The following BCKDHB variants were observed in gnomAD, a reference collection of about 807,000 sequenced individuals.
BCKDHB encodes the protein branched chain keto acid dehydrogenase E1 subunit beta, also known as 2-oxoisovalerate dehydrogenase subunit beta, mitochondrial.
In BCKDHB, 41 loss-of-function variants were observed where a neutral mutation model predicts 48.5. That is an observed-to-expected ratio of 0.85 (90% CI 0.66 to 1.10). The LOEUF (loss-of-function observed/expected upper bound fraction) is 1.10, where lower values mean the gene tolerates loss of function less well. Among genes scored for constraint, BCKDHB ranks in the 50% least tolerant of loss-of-function variants. The pLI, the probability that BCKDHB is intolerant of heterozygous loss-of-function variation, is 0.00. For missense variants in BCKDHB, 496 were observed against 494.2 expected (o/e 1.00, Z -0.03); for synonymous variants, 201 against 174.8 (o/e 1.15, Z -1.18).
At chr6:80,425,274 C>T in the BCKDHB span, among the ~76,000 whole-genome samples, 33 of 152,260 alleles carry the variant, frequency 2.2e-4, no homozygotes, top group Non-Finnish European at 4.1e-4. Context: ...TTAGGCCACA[C>T]TGGAATTCAA....
intron 9 of BCKDHB, among the ~76,000 whole-genome samples, chr6:80,317,388 A>C (rs563793910): frequency 3.9e-5 from 6 of 152,160 alleles, no homozygotes; most frequent in African/African-American, 1.2e-4. Context: ...CTAGGGGACT[A>C]TCTGTTTCCT....
chr6:80,262,732 C>G (rs1777356938), intron 8 of BCKDHB, among the ~76,000 whole-genome samples: 1 of 152,058 alleles, frequency 6.6e-6, no homozygotes, highest in Non-Finnish European at 1.5e-5. Flanking sequence ...TTTATAATAA[C>G]TATTTTATTC....
chr6:80,265,834 T>C (rs895769575), intron 8 of BCKDHB, among the ~76,000 whole-genome samples: 6 of 152,144 alleles, frequency 3.9e-5, no homozygotes, highest in African/African-American at 1.4e-4. Context: ...TAATAAATGA[T>C]AAATATAGTG....
the BCKDHB span, among the ~76,000 whole-genome samples, chr6:80,369,892 G>A: frequency 6.6e-6 from 1 of 151,112 alleles, no homozygotes; most frequent in African/African-American, 2.4e-5. Flanking sequence ...TTTTAAATGA[G>A]ATTTGCTTCT....
At chr6:80,404,153 C>G in the BCKDHB span, among the ~76,000 whole-genome samples, 1 of 151,902 alleles carries the variant, frequency 6.6e-6, no homozygotes, top group Non-Finnish European at 1.5e-5. Flanking sequence ...AGCATTGACA[C>G]TAAGTCTTTA....
chr6:80,436,266 C>T, the BCKDHB span, among the ~76,000 whole-genome samples: 2 of 140,428 alleles, frequency 1.4e-5, no homozygotes, highest in African/African-American at 5.2e-5. Context: ...TCACGCCATT[C>T]TCCCGTCTCA....
chr6:80,286,705 C>T (rs1048287079), intron 9 of BCKDHB, among the ~76,000 whole-genome samples: 1 of 152,060 alleles, frequency 6.6e-6, no homozygotes, highest in East Asian at 1.9e-4. Flanking sequence ...TTTTGCCTTT[C>T]AACTATGAAA....
intron 8 of BCKDHB, among the ~76,000 whole-genome samples, chr6:80,214,871 G>A (rs1775098076): frequency 6.6e-6 from 1 of 152,104 alleles, no homozygotes; most frequent in South Asian, 2.1e-4. Context: ...AGTTAAAAAT[G>A]TAATCAAAGA....
intron 1 of BCKDHB, among the ~76,000 whole-genome samples, chr6:80,122,474 A>G (rs1210261735): frequency 6.6e-6 from 1 of 152,162 alleles, no homozygotes; most frequent in Admixed American, 6.5e-5. Context: ...TGTTTTCCAT[A>G]AGTGTCATCT....
chr6:80,240,708 T>C (rs1163623396), intron 8 of BCKDHB, among the ~76,000 whole-genome samples: 2 of 152,184 alleles, frequency 1.3e-5, no homozygotes, highest in Non-Finnish European at 2.9e-5. Context: ...CTGTGTTGAA[T>C]AGGAGTGGTG....
intron 3 of BCKDHB, among the ~76,000 whole-genome samples, chr6:80,156,748 C>CT (rs1772060952): frequency 6.6e-6 from 1 of 152,146 alleles, no homozygotes; most frequent in South Asian, 2.1e-4. Flanking sequence ...AATAGGTATT[C>CT]TTTTCATTAG....
chr6:80,459,916 G>A, the BCKDHB span, among the ~76,000 whole-genome samples: 3 of 151,994 alleles, frequency 2.0e-5, no homozygotes, highest in Non-Finnish European at 4.4e-5. Context: ...CATTTCCAAA[G>A]CCATCCCAAA....
At chr6:80,330,054 A>C (rs1347024234) in intron 9 of BCKDHB, among the ~76,000 whole-genome samples, 1 of 152,068 alleles carries the variant, frequency 6.6e-6, no homozygotes, top group Non-Finnish European at 1.5e-5. Context: ...TGAAGATAGC[A>C]GGGTGTAGGA....
At chr6:80,237,114 G>C (rs1776177821) in intron 8 of BCKDHB, among the ~76,000 whole-genome samples, 2 of 152,198 alleles carry the variant, frequency 1.3e-5, no homozygotes, top group African/African-American at 4.8e-5. Flanking sequence ...GAAATTGAGA[G>C]AGTTTGGCTT....
chr6:80,216,918 A>G (rs1285359672), intron 8 of BCKDHB, among the ~76,000 whole-genome samples: 1 of 152,138 alleles, frequency 6.6e-6, no homozygotes, highest in East Asian at 1.9e-4. Context: ...GTGATGTACA[A>G]AGGTTTAACA....
chr6:80,107,796 A>G (rs954220023), intron 1 of BCKDHB, among the ~76,000 whole-genome samples: 4 of 151,968 alleles, frequency 2.6e-5, no homozygotes, highest in Non-Finnish European at 5.9e-5. Context: ...CAAACTCCTC[A>G]TAGTATGACT....
At chr6:80,342,368 T>C (rs2128019076) in intron 9 of BCKDHB, among the ~76,000 whole-genome samples, 1 of 151,772 alleles carries the variant, frequency 6.6e-6, no homozygotes, top group Middle Eastern at 3.4e-3. Flanking sequence ...AAAAGTAATA[T>C]TATTTTCCTT....
chr6:80,143,781 C>T (rs1426715452), intron 3 of BCKDHB, among the ~76,000 whole-genome samples: 2 of 152,176 alleles, frequency 1.3e-5, no homozygotes, highest in African/African-American at 2.4e-5. Context: ...TCCTTCCCCT[C>T]TAGATCCTCT....
At chr6:80,207,237 T>C (rs985695850) in intron 8 of BCKDHB, among the ~76,000 whole-genome samples, 20 of 151,938 alleles carry the variant, frequency 1.3e-4, no homozygotes, top group Non-Finnish European at 1.9e-4. Context: ...ATATATGGAA[T>C]TGAAATGTAA....
Sources: allele counts gnomAD v4.1 joint callset (sites outside exome capture counted in the v4.1 genomes callset), GRCh38; gene constraint gnomAD v4.1.1; transcripts MANE v1.5; gene names NCBI Gene and HGNC (gene_info 2026-07-23, HGNC 2026-07-21).